Variants in PREP observed in about 807,000 individuals in gnomAD.
PREP encodes the protein prolyl endopeptidase, also known as dJ355L5.1 (prolyl endopeptidase).
PREP carries 29 observed loss-of-function variants against 87.6 expected under a neutral mutation model. The observed-to-expected ratio is 0.33, with a 90% CI of 0.25 to 0.45. PREP has a LOEUF of 0.45. Ranked by LOEUF, PREP falls within the 20% of genes least tolerant of loss-of-function variation. The pLI, the probability that PREP is intolerant of heterozygous loss-of-function variation, is 1.00. For synonymous variants in PREP, 337 were observed against 328.6 expected (o/e 1.03, Z -0.28); for missense variants, 695 against 886.5 (o/e 0.78, Z 2.74).
Position 105,333,367 on chromosome 6 carries a change from G to A in PREP, c.962C>T (p.Pro321Leu). 1 of 1,614,156 alleles carries A rather than the reference G, an allele frequency of 6.2e-7. No homozygotes were observed. Among genetic ancestry groups the A allele is most frequent in the Middle Eastern group, 1.6e-4 (1 of 6,062 alleles). The change falls in exon 8 of 15, where the codon CCT (proline) becomes CTT (leucine). Residue 321 changes from proline to leucine, a missense_variant. Coordinates refer to ENST00000652536, the MANE Select transcript of PREP (RefSeq NM_002726.5). ...YRVINIDFRD[P>L]EESKWKVLVP... The stretch of plus-strand genomic sequence containing the variant: ...AAGTACTTTCCACTTAGACTCTTCA[G>A]GATCCCTGAAGTCAATGTTGATCAC...
At chr6:105,362,181 T>A (rs1411106811) in intron 6 of PREP, among the ~76,000 whole-genome samples, 1 of 152,092 alleles carries the variant, frequency 6.6e-6, no homozygotes, top group Non-Finnish European at 1.5e-5. Context: ...ACTGTTGGGG[T>A]TGGGTGTGGT....
chr6:105,307,570 C>T (rs1435076710), intron 10 of PREP, among the ~76,000 whole-genome samples: 1 of 152,116 alleles, frequency 6.6e-6, no homozygotes, highest in Non-Finnish European at 1.5e-5. Flanking sequence ...TAATAAATAT[C>T]TGTGAAATAA....
At chr6:105,363,282 T>G (rs1772299805) in intron 6 of PREP, among the ~76,000 whole-genome samples, 1 of 152,232 alleles carries the variant, frequency 6.6e-6, no homozygotes, top group African/African-American at 2.4e-5. Context: ...TTTCACAATC[T>G]TCATTCTAGA....
intron 4 of PREP, 27 bp downstream of exon 4, chr6:105,376,098 C>T (rs370790999): frequency 6.2e-7 from 1 of 1,603,326 alleles, no homozygotes; most frequent in East Asian, 2.2e-5. Context: ...CTTAGGAGTT[C>T]CACGGGCCTC....
intron 10 of PREP, among the ~76,000 whole-genome samples, chr6:105,303,621 A>T (rs1770592005): frequency 6.6e-6 from 1 of 152,194 alleles, no homozygotes. Flanking sequence ...AGGCAGGTTC[A>T]TCCTTTGCTT....
intron 7 of PREP, among the ~76,000 whole-genome samples, chr6:105,338,511 T>G (rs1425695181): frequency 6.6e-6 from 1 of 152,206 alleles, no homozygotes; most frequent in African/African-American, 2.4e-5. Context: ...CATTTCCAAC[T>G]GAAGTACCGG....
chr6:105,371,457 C>T (rs1482623219), intron 5 of PREP, among the ~76,000 whole-genome samples: 4 of 139,432 alleles, frequency 2.9e-5, no homozygotes, highest in South Asian at 2.2e-4. Flanking sequence ...GCTGAGATCA[C>T]GCCACTGCAC....
At chr6:105,346,974 C>A (rs1041373593) in intron 7 of PREP, among the ~76,000 whole-genome samples, 8 of 151,958 alleles carry the variant, frequency 5.3e-5, no homozygotes, top group Non-Finnish European at 8.8e-5. Flanking sequence ...GTGGCAGGCA[C>A]CTATAATCCT....
intron 1 of PREP, among the ~76,000 whole-genome samples, chr6:105,400,879 G>A (rs1250021590): frequency 2.0e-5 from 3 of 152,132 alleles, no homozygotes; most frequent in Admixed American, 6.5e-5. Flanking sequence ...CTGATGCTGG[G>A]GAGAAACAAA....
At chr6:105,322,625 C>T (rs1771041655) in intron 10 of PREP, 3 of 988,104 alleles carry the variant, frequency 3.0e-6, no homozygotes, top group Non-Finnish European at 3.6e-6. Flanking sequence ...GTTTCTGTTG[C>T]AACCACTCTA....
At chr6:105,329,175 C>G (rs1328639518) in intron 8 of PREP, 149 bp from the exon 9 acceptor site, 1 of 718,630 alleles carries the variant, frequency 1.4e-6, no homozygotes, top group Non-Finnish European at 2.3e-6. Flanking sequence ...TTTTTTGAGA[C>G]AGGGTCTTGC....
At chr6:105,344,046 G>T (rs187797537) in intron 7 of PREP, among the ~76,000 whole-genome samples, 1 of 152,118 alleles carries the variant, frequency 6.6e-6, no homozygotes, top group African/African-American at 2.4e-5. Flanking sequence ...ATTATAAATC[G>T]TGCTGCTATA....
At chr6:105,351,810 A>C (rs1771960286) in intron 7 of PREP, among the ~76,000 whole-genome samples, 1 of 152,208 alleles carries the variant, frequency 6.6e-6, no homozygotes, top group African/African-American at 2.4e-5. Flanking sequence ...GAATGCAAAC[A>C]CTGATGTGGC....
intron 2 of PREP, among the ~76,000 whole-genome samples, chr6:105,396,419 T>C (rs1450041516): frequency 6.6e-6 from 1 of 152,148 alleles, no homozygotes; most frequent in Non-Finnish European, 1.5e-5. Context: ...AAGAAAGAGA[T>C]GATCATGTGG....
rs374432409 is a variant in PREP, at chr6:105,278,132, C to G, written c.*12G>C. 2 of 1,597,994 alleles carry G rather than the reference C, an allele frequency of 1.3e-6. No individual in the cohort carries two copies. The highest frequency in any genetic ancestry group is 1.7e-5 in the Admixed American group (1 of 59,686). ...GTTTTCTGTCGCTGTCAGGAGGAAG[C>G]ACGAAAACTGTTTATGGAATCCAGT... On this transcript the variant is annotated 3_prime_UTR_variant, in exon 15 of 15. Transcript: ENST00000652536. This position sits in a 1 kb window ranked among gnomAD's most constrained non-coding sequence, Gnocchi z 4.2.
chr6:105,313,444 T>A (rs1770800332), intron 10 of PREP, among the ~76,000 whole-genome samples: 1 of 152,194 alleles, frequency 6.6e-6, no homozygotes, highest in African/African-American at 2.4e-5. Flanking sequence ...GCTGGCAAAC[T>A]AAAATGTTGC....
At chr6:105,298,695 C>G (rs974805017) in intron 10 of PREP, 2 of 154,888 alleles carry the variant, frequency 1.3e-5, no homozygotes, top group Non-Finnish European at 2.9e-5. Context: ...AGACCTGCAC[C>G]AGTGTTGCCT....
chr6:105,352,884 G>C, intron 7 of PREP, 88 bp downstream of exon 7: 1 of 1,169,686 alleles, frequency 8.5e-7, no homozygotes, highest in Non-Finnish European at 1.3e-6. Context: ...ATGGAAGAGG[G>C]TCTTGGGAAA....
intron 7 of PREP, among the ~76,000 whole-genome samples, chr6:105,349,667 T>C (rs1771893041): frequency 6.6e-6 from 1 of 151,902 alleles, no homozygotes; most frequent in South Asian, 2.1e-4. Context: ...CCCCCTGGCT[T>C]TAAGGGAAAA....
Sources: gnomAD v4.1 joint callset for allele counts (sites outside exome capture counted in the v4.1 genomes callset) on GRCh38, gnomAD v4.1.1 for gene constraint, Gnocchi (gnomAD v3.1) non-coding constraint, MANE v1.5 for transcripts, NCBI Gene and HGNC (gene_info 2026-07-23, HGNC 2026-07-21) for gene names.